Variants in DIAPH2 observed in about 807,000 individuals in gnomAD.
DIAPH2 encodes diaphanous related formin 2.
A neutral mutation model predicts 92.7 loss-of-function variants in DIAPH2; 35 were observed. The observed-to-expected ratio is 0.38, with a 90% CI of 0.29 to 0.50. The LOEUF (loss-of-function observed/expected upper bound fraction) is 0.50. Among genes scored for constraint, DIAPH2 ranks in the 20% least tolerant of loss-of-function variants. DIAPH2 has a pLI of 0.94. For synonymous variants in DIAPH2, 301 were observed against 280.4 expected (o/e 1.07, Z -0.73); for missense variants, 701 against 819.5 (o/e 0.86, Z 1.77).
chrX:97,495,074 C>T (rs1437833416), intron 26 of DIAPH2, among the ~76,000 whole-genome samples: 1 of 112,542 alleles, frequency 8.9e-6, no homozygotes, highest in African/African-American at 3.2e-5. Context: ...ATTCTCTACT[C>T]TGTATTTTCC....
At chrX:97,005,840 C>T (rs1415250220) in intron 17 of DIAPH2, among the ~76,000 whole-genome samples, 1 of 110,327 alleles carries the variant, frequency 9.1e-6, no homozygotes. Flanking sequence ...CACCCAATCA[C>T]TGATTTTAGT....
chrX:96,747,930 G>A (rs1047575584), intron 3 of DIAPH2, among the ~76,000 whole-genome samples: 3 of 111,911 alleles, frequency 2.7e-5, no homozygotes, highest in African/African-American at 9.7e-5. Flanking sequence ...ATATCCATAG[G>A]TTATATTTAC....
intron 25 of DIAPH2, among the ~76,000 whole-genome samples, chrX:97,395,568 G>A (rs1225719230): frequency 9.0e-6 from 1 of 111,412 alleles, no homozygotes; most frequent in Non-Finnish European, 1.9e-5. Context: ...ATTAATTGAA[G>A]ATTCTAGTTA....
intron 17 of DIAPH2, among the ~76,000 whole-genome samples, chrX:97,003,022 A>G (rs988198312): frequency 2.7e-5 from 3 of 111,578 alleles, no homozygotes; most frequent in Admixed American, 9.5e-5. Context: ...TTTGGCTCTC[A>G]TGAATAAGTG....
intron 19 of DIAPH2, among the ~76,000 whole-genome samples, chrX:97,078,881 A>G (rs1233830151): frequency 9.0e-6 from 1 of 110,792 alleles, no homozygotes; most frequent in Non-Finnish European, 1.9e-5. Context: ...TGGTGGCCAA[A>G]GGCTTGAGGT....
Position 96,815,478 on chromosome X carries a change from C to T in DIAPH2, c.447+57220C>T, listed in dbSNP as rs57999873. Reference sequence around the variant, plus strand: ...ATTGGAAATCCCCCTACCCCTTGCACTTCCCAGGTGAGGCGATGTCCCGCC... The same window carrying T: ...ATTGGAAATCCCCCTACCCCTTGCATTTCCCAGGTGAGGCGATGTCCCGCC... On this transcript the variant is annotated intron_variant, in intron 4 of 26. Coordinates refer to ENST00000324765, the MANE Select transcript of DIAPH2 (RefSeq NM_006729.5). Among the ~76,000 whole-genome samples the T allele has an allele frequency of 7.2e-3, 813 of 112,283 alleles. 6 individuals are homozygous for T. The highest frequency in any genetic ancestry group is 0.025 in the African/African-American group (785 of 30,949).
chrX:96,977,373 G>A (rs2065968798), intron 17 of DIAPH2, among the ~76,000 whole-genome samples: 1 of 111,456 alleles, frequency 9.0e-6, no homozygotes, highest in African/African-American at 3.3e-5. Context: ...TAATAATGAG[G>A]GAAGGAATGT....
At chrX:96,974,517 C>T (rs920750591) in intron 17 of DIAPH2, among the ~76,000 whole-genome samples, 31 of 111,566 alleles carry the variant, frequency 2.8e-4, no homozygotes, top group African/African-American at 1.0e-3. Flanking sequence ...CTTGTACCTT[C>T]ATGCTTATGA....
intron 4 of DIAPH2, among the ~76,000 whole-genome samples, chrX:96,813,136 T>C (rs1243826653): frequency 9.0e-6 from 1 of 110,997 alleles, no homozygotes; most frequent in East Asian, 2.8e-4. Context: ...AAATATCCCA[T>C]TATTATTGTG....
intron 25 of DIAPH2, among the ~76,000 whole-genome samples, chrX:97,408,428 ATTTACTG>A (rs57761610): frequency 0.38 from 41,592 of 109,641 alleles, 5,686 homozygotes; most frequent in East Asian, 0.56. Context: ...AGTATGTTAA[ATTTACTG>A]TGAGTATATG....
intron 22 of DIAPH2, among the ~76,000 whole-genome samples, chrX:97,216,451 T>C (rs1400011330): frequency 9.2e-6 from 1 of 108,456 alleles, no homozygotes; most frequent in Non-Finnish European, 1.9e-5. Flanking sequence ...ACCAGAGATG[T>C]GCACCACCAT....
chrX:96,883,338 T>C (rs923251427), intron 5 of DIAPH2, among the ~76,000 whole-genome samples: 1 of 111,198 alleles, frequency 9.0e-6, no homozygotes, highest in African/African-American at 3.3e-5. Context: ...GACGATTGTC[T>C]TGCCATTTCT....
chrX:97,193,012 C>CTTTTCT (rs1256888466), intron 22 of DIAPH2, among the ~76,000 whole-genome samples: 125 of 86,565 alleles, frequency 1.4e-3, no homozygotes, highest in African/African-American at 6.3e-3. Context: ...TTTTTCTTTT[C>CTTTTCT]TTTTTTTTTT....
intron 4 of DIAPH2, among the ~76,000 whole-genome samples, chrX:96,806,458 C>T (rs5950027): frequency 0.058 from 6,260 of 107,648 alleles, 204 homozygotes; most frequent in Middle Eastern, 0.16. Context: ...ACCAGCCTGA[C>T]TAACATGGAG....
chrX:96,927,466 C>CT (rs1301168818), intron 9 of DIAPH2, among the ~76,000 whole-genome samples: 3 of 110,006 alleles, frequency 2.7e-5, no homozygotes, highest in East Asian at 2.8e-4. Flanking sequence ...GGCCAGATCT[C>CT]TTTTTTTCTT....
chrX:97,447,740 C>T (rs777616616), intron 26 of DIAPH2, among the ~76,000 whole-genome samples: 80 of 111,457 alleles, frequency 7.2e-4, no homozygotes, highest in Non-Finnish European at 1.4e-3. Flanking sequence ...ACATTTTTTA[C>T]GGTAGTTTGG....
chrX:97,149,791 T>C (rs2067273456), intron 22 of DIAPH2, among the ~76,000 whole-genome samples: 1 of 104,092 alleles, frequency 9.6e-6, no homozygotes, highest in South Asian at 4.5e-4. Flanking sequence ...GAACGAATTG[T>C]ACTCTATCAA....
chrX:97,402,207 C>CGT (rs10695870), intron 25 of DIAPH2, among the ~76,000 whole-genome samples: 45,490 of 99,244 alleles, frequency 0.46, 8,628 homozygotes, highest in Non-Finnish European at 0.57. Context: ...TCATTTGCAT[C>CGT]GTGTGTGTGT....
intron 15 of DIAPH2, 124 bp from the exon 16 acceptor site, chrX:96,957,704 T>TA: frequency 1.8e-6 from 1 of 553,934 alleles, no homozygotes; most frequent in Non-Finnish European, 2.8e-6. Flanking sequence ...TAGTAATATC[T>TA]AAAAAAGTAT....
Sources: gnomAD v4.1 joint callset for allele counts (sites outside exome capture counted in the v4.1 genomes callset) on GRCh38, gnomAD v4.1.1 for gene constraint, MANE v1.5 for transcripts, NCBI Gene and HGNC (gene_info 2026-07-23, HGNC 2026-07-21) for gene names.